Variants in TPM2 observed in about 807,000 individuals in gnomAD.
TPM2 encodes tropomyosin 2.
A neutral mutation model predicts 41.0 loss-of-function variants in TPM2; 26 were observed. The observed-to-expected ratio is 0.63, with a 90% CI of 0.46 to 0.88. The LOEUF is 0.88. TPM2 is among the 40% of genes least tolerant of loss of function. The pLI is 0.00. For synonymous variants in TPM2, 143 were observed against 139.3 expected (o/e 1.03, Z -0.19); for missense variants, 187 against 355.2 (o/e 0.53, Z 3.81).
Position 35,683,257 on chromosome 9 carries a change from G to T in TPM2, c.773-16C>A. 1 of 1,548,518 alleles carries T rather than the reference G, an allele frequency of 6.5e-7. No individual in the cohort carries two copies. On this transcript the variant is annotated splice_polypyrimidine_tract_variant and intron_variant, in intron 8 of 8. Transcript: ENST00000645482. The stretch of plus-strand genomic sequence containing the variant: ...TAGACTTCATCTGGGGGGGGTCCAG[G>T]GAGGGGACCAGGTGGGAGTGTGGGA...
intron 8 of TPM2, 173 bp downstream of exon 8, chr9:35,684,073 G>A (rs985319243): frequency 1.0e-5 from 7 of 675,186 alleles, no homozygotes; most frequent in African/African-American, 5.4e-5. Context: ...TTGTTGCGCC[G>A]TGGGCAGCTA....
At position 35,684,305 on chromosome 9, in the gene TPM2, C is replaced by T. The variant is rs778378238; in HGVS notation, c.713G>A (p.Arg238Gln). ...CACAGACCTCTCGGCAAACTCTGCT[C>T]GGGTCTCAGCCTGGGGGTAAAGGCA... ...LEEKLKEAET[R>Q]AEFAERSVAK... The change falls in exon 8 of 9, where the codon CGA becomes CAA. Residue 238 changes from arginine (R) to glutamine (Q), a missense_variant. By Grantham distance (43) the Arg-to-Gln change is conservative. Coordinates refer to ENST00000645482, the MANE Select transcript of TPM2 (RefSeq NM_003289.4). The T allele has an allele frequency of 1.2e-6, 2 of 1,614,122 alleles. No homozygotes were observed. Among genetic ancestry groups the T allele is most frequent in the Non-Finnish European group, 8.5e-7 (1 of 1,180,026 alleles).
chr9:35,683,167 A>G lies in TPM2; in HGVS notation c.847T>C (p.Ser283Pro). Reference protein sequence around the residue: ...ELDNALNDITSL With the variant: ...ELDNALNDITPL Reference sequence around the variant, plus strand: ...CCACGCTGGCGTGGGGCTCAGAGGGAGGTGATGTCATTGAGTGCGTTGTCC... The same window carrying G: ...CCACGCTGGCGTGGGGCTCAGAGGGGGGTGATGTCATTGAGTGCGTTGTCC... Residue 283 changes from serine (S) to proline (P), a missense_variant, in exon 9 of 9, where the codon TCC becomes CCC. By Grantham distance (74) the Ser-to-Pro change is moderately conservative. Coordinates refer to ENST00000645482, the MANE Select transcript of TPM2 (RefSeq NM_003289.4). The G allele has an allele frequency of 6.5e-7, 1 of 1,547,188 alleles. No individual in the cohort carries two copies. Among genetic ancestry groups the G allele is most frequent in the East Asian group, 2.4e-5 (1 of 40,934 alleles).
At chr9:35,682,294 G>T, downstream of TPM2, 1 of 1,092,936 alleles carries the variant, frequency 9.1e-7, no homozygotes, top group Non-Finnish European at 1.4e-6. Flanking sequence ...GGACCTCAGG[G>T]CCCCTTGGCA....
At chr9:35,683,275 G>A (rs1824683917) in intron 8 of TPM2, 34 bp from the exon 9 acceptor site, 2 of 1,540,542 alleles carry the variant, frequency 1.3e-6, no homozygotes, top group East Asian at 4.9e-5. Flanking sequence ...CCAGGTGGGA[G>A]TGTGGGAAAG....
intron 6 of TPM2, 40 bp downstream of exon 6, chr9:35,684,691 CT>C: frequency 6.2e-7 from 1 of 1,614,152 alleles, no homozygotes; most frequent in Non-Finnish European, 8.5e-7. Flanking sequence ...CCTCCCTCCC[CT>C]GTGGGACCCC....
At chr9:35,682,064 G>A (rs372151362), downstream of TPM2, 16 of 1,613,676 alleles carry the variant, frequency 9.9e-6, no homozygotes, top group African/African-American at 2.0e-4. Context: ...TAGCCTGGCT[G>A]GGGGTGGGGC....
rs1824813417 is a variant in TPM2 at position 35,685,068 on chromosome 9, T to C, written c.563+201A>G. The C allele has an allele frequency of 1.2e-6, 2 of 1,614,146 alleles. No individual in the cohort carries two copies. On this transcript the variant is annotated intron_variant, in intron 5 of 8. Coordinates refer to ENST00000645482, the MANE Select transcript of TPM2 (RefSeq NM_003289.4). The surrounding 1 kb of genome is among the most constrained non-coding windows in gnomAD (Gnocchi z 5.0). ...AAGGTTCAGAGGGGTCACTACCTCC[T>C]CCTCTGAGGCCATCAGGGACTTGAG... is the stretch of plus-strand genomic sequence containing the variant.
downstream of TPM2, chr9:35,682,073 G>A (rs1050247614): frequency 8.7e-6 from 14 of 1,613,840 alleles, no homozygotes; most frequent in African/African-American, 2.7e-5. Flanking sequence ...TGGGGGTGGG[G>A]CTGGCCCTCA....
Position 35,685,231 on chromosome 9 carries a change from G to C in TPM2, c.563+38C>G. On this transcript the variant is annotated intron_variant, in intron 5 of 8. Transcript: ENST00000645482. This position sits in a 1 kb window ranked among gnomAD's most constrained non-coding sequence, Gnocchi z 5.0. ...CTTCCCACTGTGTGGAAGGCCCCAG[G>C]GCCAATGGGCTCACTTGTCACCCCC... 6.2e-7 allele frequency: 1 copy of C among 1,614,162 alleles called. No homozygotes were observed. The highest frequency in any genetic ancestry group is 1.1e-5 in the South Asian group (1 of 91,088).
chr9:35,684,039 G>T lies in TPM2; in HGVS notation c.772+207C>A, dbSNP rs2131848050. ...AACTCTCCCAGTGATTCTCATGCATGCTGAAGTTTGAGAAGCACTGGAGTT... is the reference window on the plus strand; with the variant it reads ...AACTCTCCCAGTGATTCTCATGCATTCTGAAGTTTGAGAAGCACTGGAGTT... On this transcript the variant is annotated intron_variant, in intron 8 of 8. Coordinates refer to ENST00000645482, the MANE Select transcript of TPM2 (RefSeq NM_003289.4). 6.6e-6 allele frequency: 4 copies of T among 605,944 alleles called. No homozygotes were observed. In the Admixed American group the frequency reaches 1.1e-4, roughly 16 times the overall value. The allele number at this position is 605,944 out of a possible 1,614,324, so 37.5% of individuals were successfully genotyped here. A position where few individuals can be genotyped will look rare whatever the true frequency, so the allele number is the denominator to read the frequency against.
intron 2 of TPM2, 90 bp downstream of exon 2, chr9:35,689,055 GA>G (rs1825100553): frequency 6.8e-7 from 1 of 1,474,500 alleles, no homozygotes. Context: ...GACATAAGGG[GA>G]TAAGGTGCCC....
At chr9:35,683,327 A>G in intron 8 of TPM2, 86 bp from the exon 9 acceptor site, 1 of 1,301,520 alleles carries the variant, frequency 7.7e-7, no homozygotes, top group South Asian at 1.3e-5. Context: ...AGAGCAATGG[A>G]AAGAAAAACA....
intron 1 of TPM2, 125 bp downstream of exon 1, chr9:35,689,579 G>T: frequency 1.3e-6 from 2 of 1,546,934 alleles, no homozygotes; most frequent in South Asian, 1.1e-5. Context: ...TACTGCGAAG[G>T]CCCAGCCCCC....
chr9:35,689,963 A>T, upstream of TPM2: 3 of 1,534,284 alleles, frequency 2.0e-6, no homozygotes, highest in Non-Finnish European at 1.7e-6. Context: ...AAAGGCGGGG[A>T]GGGACCGGGC....
downstream of TPM2, chr9:35,682,769 G>GC: frequency 3.0e-6 from 4 of 1,331,954 alleles, no homozygotes; most frequent in South Asian, 4.9e-5. Context: ...CGACAGCCAG[G>GC]GAGTGCCTGT....
intron 2 of TPM2, among the ~76,000 whole-genome samples, chr9:35,687,103 CCTT>C (rs1243656553): frequency 1.3e-5 from 2 of 152,172 alleles, no homozygotes; most frequent in Non-Finnish European, 2.9e-5. Flanking sequence ...AACAGTTCCT[CCTT>C]CTTAAGGCTG....
At chr9:35,684,346 C>T in intron 7 of TPM2, 31 bp from the exon 8 acceptor site, 1 of 1,613,620 alleles carries the variant, frequency 6.2e-7, no homozygotes, top group African/African-American at 1.3e-5. Flanking sequence ...GGAGAAATGG[C>T]AAAGAATTAG....
At position 35,684,545 on chromosome 9, in the gene TPM2, G is replaced by A. The variant is rs1231488023; in HGVS notation, c.645C>T (p.Ser215=). The change falls in exon 7 of 9, where the codon TCC becomes TCT. Residue 215 remains serine (S), a synonymous_variant. Transcript: ENST00000645482. ...KSLEAQADKY[S]TKEDKYEEEI... is the part of the protein sequence containing the mutation. ...CCTCTTCATATTTATCTTCTTTGGT[G>A]GAATACTTTTGGGGACACACACACG... 4 of 1,613,960 alleles carry A rather than the reference G, an allele frequency of 2.5e-6. No individual in the cohort carries two copies. The highest frequency in any genetic ancestry group is 1.3e-5 in the African/African-American group (1 of 74,882).
Sources: allele counts gnomAD v4.1 joint callset (sites outside exome capture counted in the v4.1 genomes callset), GRCh38; gene constraint gnomAD v4.1.1; non-coding constraint Gnocchi (gnomAD v3.1); transcripts MANE v1.5; gene names NCBI Gene and HGNC (gene_info 2026-07-23, HGNC 2026-07-21).